PCDHA4: variants seen among roughly 807,000 people sequenced by gnomAD.
PCDHA4 encodes the protein protocadherin alpha 4.
A neutral mutation model predicts 61.4 loss-of-function variants in PCDHA4; 49 were observed. That is an observed-to-expected ratio of 0.80 (90% CI 0.63 to 1.01). The LOEUF is 1.01. Ranked by LOEUF, PCDHA4 falls within the 50% of genes least tolerant of loss-of-function variation. The pLI is 0.00. For synonymous variants in PCDHA4, 590 were observed against 550.3 expected (o/e 1.07, Z -1.01); for missense variants, 1,254 against 1,235.8 (o/e 1.01, Z -0.22).
At chr5:140,891,371 T>C (rs1483919316) in intron 1 of PCDHA4, among the ~76,000 whole-genome samples, 1 of 152,146 alleles carries the variant, frequency 6.6e-6, no homozygotes, top group Non-Finnish European at 1.5e-5. Flanking sequence ...CAGTATACAT[T>C]GCACCATATT....
intron 1 of PCDHA4, among the ~76,000 whole-genome samples, chr5:140,832,950 G>A (rs112678369): frequency 0.015 from 2,239 of 152,242 alleles, 37 homozygotes; most frequent in Non-Finnish European, 0.018. Flanking sequence ...ACTTAAGTGA[G>A]TATACAGAAA....
At chr5:140,904,125 C>G (rs2070849198) in intron 1 of PCDHA4, among the ~76,000 whole-genome samples, 1 of 151,972 alleles carries the variant, frequency 6.6e-6, no homozygotes, top group East Asian at 1.9e-4. Flanking sequence ...TTTTGGTGCA[C>G]CCATCACCCG....
intron 1 of PCDHA4, among the ~76,000 whole-genome samples, chr5:140,943,064 C>T (rs1352675515): frequency 1.3e-5 from 2 of 151,818 alleles, no homozygotes; most frequent in African/African-American, 4.8e-5. Context: ...CAAGAACAGC[C>T]TGACCAACAT....
chr5:140,822,718 T>C, intron 1 of PCDHA4: 1 of 1,611,984 alleles, frequency 6.2e-7, no homozygotes, highest in South Asian at 1.1e-5. Context: ...CTATAACTCA[T>C]ATGAAATTAA....
intron 3 of PCDHA4, among the ~76,000 whole-genome samples, chr5:140,991,094 A>G (rs144874764): frequency 9.8e-4 from 150 of 152,358 alleles, no homozygotes; most frequent in African/African-American, 3.5e-3. Context: ...ATTAAAGCTC[A>G]TAAGAATTAA....
At chr5:140,926,704 T>A in intron 1 of PCDHA4, 1 of 842,670 alleles carries the variant, frequency 1.2e-6, no homozygotes, top group Non-Finnish European at 1.7e-6. Context: ...GGCTCCCAGC[T>A]GGCCAGCCCC....
chr5:141,008,641 T>G (rs569373015), intron 3 of PCDHA4, among the ~76,000 whole-genome samples: 1 of 152,344 alleles, frequency 6.6e-6, no homozygotes, highest in Admixed American at 6.5e-5. Context: ...TAACAATTTC[T>G]TCTTCTGGAG....
At chr5:140,829,920 A>G in intron 1 of PCDHA4, 2 of 1,613,998 alleles carry the variant, frequency 1.2e-6, no homozygotes, top group Non-Finnish European at 1.7e-6. Context: ...CTTTCGTATG[A>G]GCTGCAGCCC....
At chr5:140,947,302 C>G (rs1390442873) in intron 1 of PCDHA4, among the ~76,000 whole-genome samples, 2 of 151,504 alleles carry the variant, frequency 1.3e-5, no homozygotes, top group Non-Finnish European at 3.0e-5. Flanking sequence ...ATCTTGACAT[C>G]TTTGTAAAAA....
At chr5:140,839,863 C>T (rs1776446345) in intron 1 of PCDHA4, among the ~76,000 whole-genome samples, 1 of 151,846 alleles carries the variant, frequency 6.6e-6, no homozygotes, top group African/African-American at 2.4e-5. Flanking sequence ...TTGAGGTGGA[C>T]TTTGAAAGAT....
chr5:140,851,380 C>G, intron 1 of PCDHA4: 1 of 976,622 alleles, frequency 1.0e-6, no homozygotes, highest in Non-Finnish European at 1.2e-6. Context: ...TGTTCAGCAA[C>G]CTTCAGTATC....
chr5:140,982,128 A>G (rs2153827578), intron 2 of PCDHA4, among the ~76,000 whole-genome samples: 1 of 152,384 alleles, frequency 6.6e-6, no homozygotes, highest in South Asian at 2.1e-4. Flanking sequence ...TTTTGAGAAC[A>G]AGCCCTCCTC....
chr5:140,900,644 C>G (rs1554189317), intron 1 of PCDHA4, among the ~76,000 whole-genome samples: 1 of 152,180 alleles, frequency 6.6e-6, no homozygotes. Context: ...ATTGTGAACA[C>G]TGCTGCAATG....
intron 1 of PCDHA4, among the ~76,000 whole-genome samples, chr5:140,973,691 T>C (rs1420618979): frequency 6.6e-6 from 1 of 152,224 alleles, no homozygotes; most frequent in Non-Finnish European, 1.5e-5. Context: ...GGCCTACTGT[T>C]TCCTTCTGAC....
intron 1 of PCDHA4, among the ~76,000 whole-genome samples, chr5:140,961,502 T>C (rs6891232): frequency 0.023 from 3,568 of 152,334 alleles, 49 homozygotes; most frequent in Middle Eastern, 0.034. Context: ...TTGGGAGACT[T>C]TGTTTAATGT....
At position 140,912,741 on chromosome 5, in the gene PCDHA4, C is replaced by T. The variant is rs371215646; in HGVS notation, c.2386-66208C>T. Among the ~76,000 whole-genome samples the T allele has an allele frequency of 2.1e-3, 323 of 152,182 alleles. 1 individual carries two copies. Among genetic ancestry groups the T allele is most frequent in the African/African-American group, 7.6e-3 (315 of 41,526 alleles). ...ATTCAATATGATGTTGGCTGTGGGT[C>T]TGTCATAGATGGCTTTTATTACTTT... On this transcript the variant is annotated intron_variant, in intron 1 of 3. Transcript: ENST00000530339.
In PCDHA4 at chr5:140,842,728, G is replaced by A. The variant is rs2150343168; in HGVS notation, c.2385+33156G>A. 2 of 1,595,050 alleles carry A rather than the reference G, an allele frequency of 1.3e-6. 1 individual carries two copies. Reference sequence around the variant, plus strand: ...CGGTGTTCGTGAAGGAGAACAACCCGCCGGGCTGCCACATCTTCACGGTGT... The same window carrying A: ...CGGTGTTCGTGAAGGAGAACAACCCACCGGGCTGCCACATCTTCACGGTGT... On this transcript the variant is annotated intron_variant, in intron 1 of 3. Transcript: ENST00000530339.
intron 1 of PCDHA4, among the ~76,000 whole-genome samples, chr5:140,820,724 C>G (rs926082554): frequency 6.6e-6 from 1 of 151,900 alleles, no homozygotes; most frequent in Admixed American, 6.6e-5. Context: ...TTACTGGAAC[C>G]TAAACATTTT....
chr5:140,897,309 A>G (rs1165791921), intron 1 of PCDHA4, among the ~76,000 whole-genome samples: 3 of 148,098 alleles, frequency 2.0e-5, no homozygotes, highest in Non-Finnish European at 3.0e-5. Flanking sequence ...CATTAGGTAT[A>G]TCTCCTAAAG....
Sources: allele counts gnomAD v4.1 joint callset (sites outside exome capture counted in the v4.1 genomes callset), GRCh38; gene constraint gnomAD v4.1.1; transcripts MANE v1.5; gene names NCBI Gene and HGNC (gene_info 2026-07-23, HGNC 2026-07-21).